Variants in COL5A2 observed in about 807,000 individuals in gnomAD.
COL5A2 encodes the protein collagen alpha-2(V) chain.
A neutral mutation model predicts 208.2 loss-of-function variants in COL5A2; 23 were observed. The observed-to-expected ratio is 0.11, with a 90% CI of 0.08 to 0.16. The LOEUF (loss-of-function observed/expected upper bound fraction) is 0.16, where lower values mean the gene tolerates loss of function less well. Ranked by LOEUF, COL5A2 falls within the 10% of genes least tolerant of loss-of-function variation. The pLI is 1.00. For synonymous variants in COL5A2, 625 were observed against 628.5 expected (o/e 0.99, Z 0.08); for missense variants, 1,590 against 1,956.4 (o/e 0.81, Z 3.53).
the COL5A2 span, among the ~76,000 whole-genome samples, chr2:189,429,625 TGA>T: frequency 6.6e-6 from 1 of 152,206 alleles, no homozygotes; most frequent in Admixed American, 6.5e-5. Context: ...AGGATTCACA[TGA>T]GAGACATACC....
the COL5A2 span, among the ~76,000 whole-genome samples, chr2:189,305,820 A>G: frequency 6.6e-6 from 1 of 152,088 alleles, no homozygotes; most frequent in Admixed American, 6.5e-5. Flanking sequence ...AATCTAAAAA[A>G]AAAAAAAAAA....
chr2:189,339,431 C>T, the COL5A2 span, among the ~76,000 whole-genome samples: 1 of 151,912 alleles, frequency 6.6e-6, no homozygotes, highest in Non-Finnish European at 1.5e-5. Context: ...TAGAGATTTC[C>T]AGCTTCACTT....
chr2:189,341,855 ATT>A, the COL5A2 span, among the ~76,000 whole-genome samples: 1 of 152,186 alleles, frequency 6.6e-6, no homozygotes, highest in Non-Finnish European at 1.5e-5. Context: ...AACTAAAATA[ATT>A]TGAGTGAAAT....
the COL5A2 span, among the ~76,000 whole-genome samples, chr2:189,359,683 A>T: frequency 2.0e-5 from 3 of 152,158 alleles, no homozygotes; most frequent in Non-Finnish European, 2.9e-5. Flanking sequence ...TCAGTAGTGA[A>T]GCCATCAGGT....
chr2:189,315,444 G>A, the COL5A2 span, among the ~76,000 whole-genome samples: 1 of 152,052 alleles, frequency 6.6e-6, no homozygotes, highest in East Asian at 1.9e-4. Flanking sequence ...AAAATAATAA[G>A]AACCATATAT....
chr2:189,305,440 G>C, the COL5A2 span, among the ~76,000 whole-genome samples: 7 of 152,230 alleles, frequency 4.6e-5, no homozygotes, highest in South Asian at 1.4e-3. Flanking sequence ...CAATATATTC[G>C]GCCCTTTGGC....
At chr2:189,221,429 TG>T (rs1689346757) in intron 1 of COL5A2, among the ~76,000 whole-genome samples, 1 of 152,168 alleles carries the variant, frequency 6.6e-6, no homozygotes, top group Non-Finnish European at 1.5e-5. Flanking sequence ...TCTACCTTGC[TG>T]CTCAGGATAT....
chr2:189,321,514 T>C, the COL5A2 span, among the ~76,000 whole-genome samples: 1 of 152,120 alleles, frequency 6.6e-6, no homozygotes, highest in Non-Finnish European at 1.5e-5. Flanking sequence ...GGGGTTGCAA[T>C]CCTAGTCTCT....
chr2:189,078,421 A>G (rs1330605739), intron 16 of COL5A2, 95 bp downstream of exon 16: 2 of 974,044 alleles, frequency 2.1e-6, no homozygotes, highest in South Asian at 1.3e-5. Flanking sequence ...GACCAGTACT[A>G]TTACTTTCAT....
intron 1 of COL5A2, among the ~76,000 whole-genome samples, chr2:189,130,724 C>A (rs1439222805): frequency 1.3e-5 from 2 of 151,854 alleles, no homozygotes; most frequent in East Asian, 3.8e-4. Context: ...TTCCATTTTA[C>A]AAATGAAATA....
At chr2:189,280,821 G>T in the COL5A2 span, among the ~76,000 whole-genome samples, 1 of 151,990 alleles carries the variant, frequency 6.6e-6, no homozygotes, top group Non-Finnish European at 1.5e-5. Flanking sequence ...AATTCTCAAT[G>T]GAGAAGAAGC....
chr2:189,050,557 G>A lies in COL5A2; in HGVS notation c.3039+12C>T, dbSNP rs1685763589. 6.5e-7 allele frequency: 1 copy of A among 1,539,160 alleles called. No homozygotes were observed. Among genetic ancestry groups the A allele is most frequent in the Non-Finnish European group, 8.8e-7 (1 of 1,135,668 alleles). On this transcript the variant is annotated intron_variant, in intron 43 of 53. Transcript: ENST00000374866. Reference sequence around the variant, plus strand: ...CATATGAGATAAAATATTGACCGATGCAGCTACTCACCGCTGGGCCTGGTA... The same window carrying A: ...CATATGAGATAAAATATTGACCGATACAGCTACTCACCGCTGGGCCTGGTA...
At chr2:189,330,074 T>A in the COL5A2 span, among the ~76,000 whole-genome samples, 6 of 152,140 alleles carry the variant, frequency 3.9e-5, no homozygotes, top group Admixed American at 3.9e-4. Flanking sequence ...CAGTCTAGAA[T>A]TCTGGTATGC....
chr2:189,357,453 G>C, the COL5A2 span, among the ~76,000 whole-genome samples: 1 of 152,126 alleles, frequency 6.6e-6, no homozygotes, highest in South Asian at 2.1e-4. Flanking sequence ...GGCTGCAGCG[G>C]CCTTGCTGAG....
chr2:189,051,506 C>A, intron 41 of COL5A2, 25 bp from the exon 42 acceptor site: 1 of 1,584,774 alleles, frequency 6.3e-7, no homozygotes. Context: ...AAAGAAACAC[C>A]AAGGAGGGCA....
Position 189,063,072 on chromosome 2 carries a change from T to A in COL5A2, c.1870-9A>T. 1 of 1,614,146 alleles carries A rather than the reference T, an allele frequency of 6.2e-7. No individual in the cohort carries two copies. The highest frequency in any genetic ancestry group is 8.5e-7 in the Non-Finnish European group (1 of 1,179,956). The stretch of plus-strand genomic sequence containing the variant: ...GGTTTCCCAGGGTCACCCTAAAGAA[T>A]AAATGAAACTTTTGTATAATTCCTT... On this transcript the variant is annotated splice_polypyrimidine_tract_variant and intron_variant, in intron 27 of 53. Transcript: ENST00000374866.
chr2:189,293,069 A>G, the COL5A2 span, among the ~76,000 whole-genome samples: 1 of 151,438 alleles, frequency 6.6e-6, no homozygotes, highest in East Asian at 2.0e-4. Context: ...ACACATGGAC[A>G]CAGGAAGGGG....
At chr2:189,276,506 G>C in the COL5A2 span, among the ~76,000 whole-genome samples, 5 of 152,108 alleles carry the variant, frequency 3.3e-5, no homozygotes, top group Non-Finnish European at 7.4e-5. Flanking sequence ...ATTTCCAAAA[G>C]ACTGCTAAAT....
chr2:189,372,121 A>C, the COL5A2 span, among the ~76,000 whole-genome samples: 1 of 152,200 alleles, frequency 6.6e-6, no homozygotes, highest in Non-Finnish European at 1.5e-5. Context: ...AAAGGGCCCC[A>C]CATACAGCTC....
Sources: gnomAD v4.1 joint callset for allele counts (sites outside exome capture counted in the v4.1 genomes callset) on GRCh38, gnomAD v4.1.1 for gene constraint, MANE v1.5 for transcripts, NCBI Gene and HGNC (gene_info 2026-07-23, HGNC 2026-07-21) for gene names.